The following EIF3J variants were observed in gnomAD, a reference collection of about 807,000 sequenced individuals.
The protein encoded by EIF3J is eukaryotic translation initiation factor 3, subunit 1 (alpha, 35kD).
A neutral mutation model predicts 39.0 loss-of-function variants in EIF3J; 15 were observed. The observed-to-expected ratio is 0.38, with a 90% CI of 0.26 to 0.59. EIF3J has a LOEUF of 0.59. Ranked by LOEUF, EIF3J falls within the 20% of genes least tolerant of loss-of-function variation. EIF3J has a pLI of 0.60. For missense variants in EIF3J, 226 were observed against 308.6 expected, an observed-to-expected ratio of 0.73 and a Z score of 2.00; for synonymous variants, 98 against 112.9, an observed-to-expected ratio of 0.87 and a Z score of 0.84.
chr15:44,537,289 T>C, intron 1 of EIF3J, 35 bp from the exon 2 acceptor site: 1 of 1,563,616 alleles, frequency 6.4e-7, no homozygotes, highest in Non-Finnish European at 8.7e-7. Context: ...CCCCACGCAG[T>C]GGCAGGCACT....
chr15:44,543,012 G>A (rs1463649009), intron 2 of EIF3J, among the ~76,000 whole-genome samples: 3 of 152,152 alleles, frequency 2.0e-5, no homozygotes, highest in Non-Finnish European at 4.4e-5. Context: ...GTTTCTCTAG[G>A]AAGCCTTTTT....
In EIF3J at chr15:44,554,375, T is replaced by TGA. The variant is rs1376104123; in HGVS notation, c.295-178_295-177insGA. ...CTTGGTGGCAGAGTGAGGCTCTGTC[T>TGA]AAAAAAAAAAAAAAAAAAAAAAAAA... On this transcript the variant is annotated intron_variant, in intron 4 of 7. Coordinates refer to ENST00000261868, the MANE Select transcript of EIF3J (RefSeq NM_003758.4). Among the ~76,000 whole-genome samples the TGA allele has an allele frequency of 3.7e-4, 23 of 61,892 alleles. 2 individuals carry two copies. The highest frequency in any genetic ancestry group is 3.3e-4 in the Non-Finnish European group (10 of 30,692). The allele number at this position is 61,892 out of a possible 152,430, so 40.6% of individuals were successfully genotyped here. A position where few individuals can be genotyped will look rare whatever the true frequency, so the allele number is the denominator to read the frequency against.
At chr15:44,538,298 T>G (rs757305006) in intron 2 of EIF3J, among the ~76,000 whole-genome samples, 22 of 152,190 alleles carry the variant, frequency 1.4e-4, no homozygotes, top group Middle Eastern at 3.2e-3. Context: ...GGTTTTTTTT[T>G]TTTTTTACAG....
In EIF3J at chr15:44,550,579, A is replaced by G. The variant is rs941534343; in HGVS notation, c.148-297A>G. ...CCTATTTATAATAGCAACATACAAG[A>G]TGAAATACTTAGGAATAAATCTAAA... On this transcript the variant is annotated intron_variant, in intron 2 of 7. Coordinates refer to ENST00000261868, the MANE Select transcript of EIF3J (RefSeq NM_003758.4). 3 of 201,946 alleles carry G rather than the reference A, an allele frequency of 1.5e-5. 1 individual carries two copies. Among genetic ancestry groups the G allele is most frequent in the Non-Finnish European group, 3.0e-5 (3 of 100,620 alleles). 12.5% of individuals were successfully genotyped at this position (201,946 alleles called of 1,614,324 possible).
chr15:44,543,550 A>T (rs897227208), intron 2 of EIF3J, among the ~76,000 whole-genome samples: 1 of 151,588 alleles, frequency 6.6e-6, no homozygotes, highest in Non-Finnish European at 1.5e-5. Flanking sequence ...AGTAGCTGGG[A>T]CTACAGGTGT....
chr15:44,547,348 G>C (rs955843368), intron 2 of EIF3J, among the ~76,000 whole-genome samples: 1 of 151,370 alleles, frequency 6.6e-6, no homozygotes, highest in African/African-American at 2.4e-5. Context: ...TCTCCATGTT[G>C]GTCAGGCTGG....
At chr15:44,549,986 G>A (rs915466987) in intron 2 of EIF3J, among the ~76,000 whole-genome samples, 7 of 150,948 alleles carry the variant, frequency 4.6e-5, no homozygotes, top group African/African-American at 1.5e-4. Flanking sequence ...AAATTTTATT[G>A]CATAAATTTG....
intron 6 of EIF3J, among the ~76,000 whole-genome samples, chr15:44,558,412 G>A (rs376034888): frequency 1.3e-5 from 2 of 151,910 alleles, no homozygotes; most frequent in African/African-American, 4.8e-5. Context: ...AGACCATCCT[G>A]GCTAACAAGG....
chr15:44,562,305 T>G lies in EIF3J; in HGVS notation c.*1156T>G, dbSNP rs1051126836. 15 of 152,748 alleles carry G rather than the reference T, an allele frequency of 9.8e-5. No individual in the cohort carries two copies. The highest frequency in any genetic ancestry group is 6.8e-3 in the Middle Eastern group (2 of 294). The allele number at this position is 152,748 out of a possible 1,614,324, so 9.5% of individuals were successfully genotyped here. On this transcript the variant is annotated 3_prime_UTR_variant, in exon 8 of 8. Coordinates refer to ENST00000261868, the MANE Select transcript of EIF3J (RefSeq NM_003758.4). The stretch of plus-strand genomic sequence containing the variant: ...TTATTTGGGGACATTATTTTGTTAT[T>G]TAGATACCAAGGCCTAATTAATTAA...
At chr15:44,541,145 T>C (rs578045513) in intron 2 of EIF3J, among the ~76,000 whole-genome samples, 1 of 152,326 alleles carries the variant, frequency 6.6e-6, no homozygotes, top group East Asian at 1.9e-4. Flanking sequence ...TTTACTATCC[T>C]GATAGTTGTG....
At chr15:44,560,951 G>C in intron 7 of EIF3J, 67 bp from the exon 8 acceptor site, 1 of 1,575,114 alleles carries the variant, frequency 6.3e-7, no homozygotes. Context: ...GTTTATGAGG[G>C]TTGCTGTACC....
At chr15:44,555,175 G>A (rs1305608615) in intron 5 of EIF3J, among the ~76,000 whole-genome samples, 2 of 152,186 alleles carry the variant, frequency 1.3e-5, no homozygotes, top group African/African-American at 4.8e-5. Context: ...GGTGTCTGCA[G>A]CTGTGGTTAG....
chr15:44,552,602 T>A (rs2082109231), intron 4 of EIF3J, among the ~76,000 whole-genome samples: 1 of 151,996 alleles, frequency 6.6e-6, no homozygotes, highest in Non-Finnish European at 1.5e-5. Context: ...TTCACTCTAG[T>A]CGCCCAGGCG....
Position 44,562,462 on chromosome 15 carries a change from TTATTCCCCTAA to T in EIF3J, c.*1314_*1324del, listed in dbSNP as rs1364941272. On this transcript the variant is annotated 3_prime_UTR_variant, in exon 8 of 8. Coordinates refer to ENST00000261868, the MANE Select transcript of EIF3J (RefSeq NM_003758.4). Reference sequence around the variant, plus strand: ...AACCAAATGTGTGGTTAGTGTTTTTTTATTCCCCTAAGACAGAAAGAACAAAAAATGTTTTA... The same window carrying T: ...AACCAAATGTGTGGTTAGTGTTTTTTGACAGAAAGAACAAAAAATGTTTTA... 2 of 152,674 alleles carry T rather than the reference TTATTCCCCTAA, an allele frequency of 1.3e-5. No homozygotes were observed. Among genetic ancestry groups the T allele is most frequent in the African/African-American group, 4.8e-5 (2 of 41,468 alleles). The allele number at this position is 152,674 out of a possible 1,614,324, so 9.5% of individuals were successfully genotyped here.
At chr15:44,552,303 A>C (rs1347570714) in intron 4 of EIF3J, among the ~76,000 whole-genome samples, 1 of 151,958 alleles carries the variant, frequency 6.6e-6, no homozygotes, top group Admixed American at 6.6e-5. Flanking sequence ...GCTGGAGTGC[A>C]GTGGTGTGAT....
chr15:44,546,506 C>A (rs1046529898), intron 2 of EIF3J, among the ~76,000 whole-genome samples: 3 of 152,110 alleles, frequency 2.0e-5, no homozygotes, highest in Admixed American at 6.6e-5. Flanking sequence ...AAACCAGAAG[C>A]TTGGTGTCAT....
chr15:44,549,205 C>A (rs1379002730), intron 2 of EIF3J, among the ~76,000 whole-genome samples: 1 of 151,154 alleles, frequency 6.6e-6, no homozygotes, highest in African/African-American at 2.4e-5. Context: ...ATCAGCCTGA[C>A]CAACATGGAC....
chr15:44,538,358 T>C (rs2081978825), intron 2 of EIF3J, among the ~76,000 whole-genome samples: 1 of 152,156 alleles, frequency 6.6e-6, no homozygotes, highest in Admixed American at 6.6e-5. Context: ...ATTAACAAAG[T>C]TCTCAAAATC....
intron 5 of EIF3J, among the ~76,000 whole-genome samples, chr15:44,555,557 C>G (rs2082137524): frequency 6.6e-6 from 1 of 152,180 alleles, no homozygotes; most frequent in South Asian, 2.1e-4. Flanking sequence ...GTATGCTTGG[C>G]AGGTCTTAAC....
Sources: gnomAD v4.1 joint callset for allele counts (sites outside exome capture counted in the v4.1 genomes callset) on GRCh38, gnomAD v4.1.1 for gene constraint, MANE v1.5 for transcripts, NCBI Gene and HGNC (gene_info 2026-07-23, HGNC 2026-07-21) for gene names.